GAK: variants seen among roughly 807,000 people sequenced by gnomAD.
GAK encodes cyclin-G-associated kinase.
A neutral mutation model predicts 143.9 loss-of-function variants in GAK; 79 were observed. The ratio of observed to expected loss-of-function variants is 0.55; its 90% CI spans 0.46 to 0.66. GAK has a LOEUF of 0.66. Among genes scored for constraint, GAK ranks in the 30% least tolerant of loss-of-function variants. The pLI is 0.00. For missense variants in GAK, 1,693 were observed against 1,779.7 expected (o/e 0.95, Z 0.88); for synonymous variants, 881 against 765.5 (o/e 1.15, Z -2.49).
At chr4:899,319 G>A (rs1320652632) in intron 5 of GAK, among the ~76,000 whole-genome samples, 1 of 152,188 alleles carries the variant, frequency 6.6e-6, no homozygotes, top group Non-Finnish European at 1.5e-5. Context: ...GGCCAGCACA[G>A]GCATCCCTCT....
rs748170370 is a variant in GAK at position 896,447 on chromosome 4, C to T, written c.741+13G>A. On this transcript the variant is annotated intron_variant, in intron 7 of 27. Coordinates refer to ENST00000314167, the MANE Select transcript of GAK (RefSeq NM_005255.4). The stretch of plus-strand genomic sequence containing the variant: ...GGAGCCAGGCACTGCCACTGAGAGG[C>T]GCCAGACCTCACCCAGATATCCTGC... The T allele has an allele frequency of 2.5e-6, 4 of 1,610,856 alleles. No individual in the cohort carries two copies. Among genetic ancestry groups the T allele is most frequent in the African/African-American group, 1.3e-5 (1 of 74,880 alleles).
intron 15 of GAK, among the ~76,000 whole-genome samples, chr4:880,712 TCC>T (rs1714927544): frequency 6.6e-6 from 1 of 152,076 alleles, no homozygotes; most frequent in Non-Finnish European, 1.5e-5. Flanking sequence ...CACCTGACTC[TCC>T]TTAGATTCTG....
chr4:877,838 T>C (rs1714279149), intron 15 of GAK, 29 bp from the exon 16 acceptor site: 1 of 1,539,226 alleles, frequency 6.5e-7, no homozygotes. Flanking sequence ...CGTCACCACG[T>C]GACGTGCCCT....
intron 24 of GAK, chr4:852,293 C>T: frequency 4.9e-6 from 2 of 408,326 alleles, no homozygotes; most frequent in Non-Finnish European, 8.9e-6. Flanking sequence ...GGGGCAGTGT[C>T]CCCACGTCAC....
chr4:904,110 G>A (rs532159647), intron 5 of GAK, among the ~76,000 whole-genome samples: 27 of 152,302 alleles, frequency 1.8e-4, no homozygotes, highest in African/African-American at 2.9e-4. Flanking sequence ...TGTGAACCGC[G>A]TGTGGAGGGA....
intron 18 of GAK, among the ~76,000 whole-genome samples, chr4:873,812 T>C (rs925550078): frequency 5.9e-5 from 9 of 152,192 alleles, no homozygotes; most frequent in African/African-American, 1.9e-4. Context: ...GTAAGCAGTA[T>C]AGACTTGAGT....
At chr4:860,429 C>T (rs955487338) in intron 23 of GAK, among the ~76,000 whole-genome samples, 5 of 151,758 alleles carry the variant, frequency 3.3e-5, no homozygotes, top group Non-Finnish European at 5.9e-5. Flanking sequence ...TATAAAGAGC[C>T]CTCGTGGATC....
At chr4:888,257 C>T (rs1716925162) in intron 11 of GAK, 1 of 152,412 alleles carries the variant, frequency 6.6e-6, no homozygotes, top group Non-Finnish European at 1.5e-5. Flanking sequence ...CCAGCGTGCT[C>T]CTGGGCGTTC....
intron 1 of GAK, among the ~76,000 whole-genome samples, chr4:929,178 C>T (rs928217108): frequency 2.0e-5 from 3 of 152,180 alleles, no homozygotes; most frequent in African/African-American, 4.8e-5. Context: ...AGGCTGTGCC[C>T]TCCCCATTCC....
chr4:907,193 G>A (rs1007427152), intron 4 of GAK, among the ~76,000 whole-genome samples: 2 of 152,274 alleles, frequency 1.3e-5, no homozygotes, highest in Middle Eastern at 3.4e-3. Context: ...CTCACAGACC[G>A]GACCCACCTG....
chr4:905,234 G>A (rs1391415905), intron 4 of GAK, among the ~76,000 whole-genome samples: 1 of 152,170 alleles, frequency 6.6e-6, no homozygotes, highest in Admixed American at 6.5e-5. Flanking sequence ...ACCGTGGAGT[G>A]TACTTTTGTT....
chr4:912,375 C>G, intron 3 of GAK: 2 of 369,368 alleles, frequency 5.4e-6, no homozygotes, highest in Admixed American at 7.3e-5. Context: ...CCTGTGGGAG[C>G]CAGGCCATCT....
intron 18 of GAK, among the ~76,000 whole-genome samples, chr4:871,278 A>G (rs1712560128): frequency 6.6e-6 from 1 of 152,232 alleles, no homozygotes; most frequent in African/African-American, 2.4e-5. Context: ...ACAACATCCC[A>G]CAGCTGGAGA....
At chr4:887,885 TCA>T (rs1716833980) in intron 11 of GAK, 1 of 150,920 alleles carries the variant, frequency 6.6e-6, no homozygotes, top group Admixed American at 6.6e-5. Context: ...ATGCACATAC[TCA>T]CACCAGCATT....
At chr4:865,368 G>C in intron 22 of GAK, 124 bp from the exon 23 acceptor site, 7 of 1,238,712 alleles carry the variant, frequency 5.7e-6, no homozygotes, top group Non-Finnish European at 8.0e-6. Context: ...CTGAGCTGAG[G>C]CTGGGCTGAC....
At chr4:859,314 G>A (rs772651201) in intron 24 of GAK, 31 of 1,345,630 alleles carry the variant, frequency 2.3e-5, no homozygotes, top group South Asian at 1.0e-4. Context: ...CAGAGACCCC[G>A]CCTCCCCGAT....
intron 18 of GAK, among the ~76,000 whole-genome samples, chr4:874,168 C>T (rs1300412589): frequency 2.6e-5 from 4 of 151,740 alleles, no homozygotes; most frequent in African/African-American, 7.3e-5. Flanking sequence ...TACATGCACA[C>T]GTGTGTTGGT....
chr4:870,937 C>T, intron 18 of GAK, 33 bp from the exon 19 acceptor site: 1 of 1,567,502 alleles, frequency 6.4e-7, no homozygotes, highest in Non-Finnish European at 8.7e-7. Flanking sequence ...CTTAGGAAGG[C>T]CACCCAAGTA....
intron 6 of GAK, among the ~76,000 whole-genome samples, chr4:897,025 C>A (rs1464099028): frequency 6.6e-6 from 1 of 152,240 alleles, no homozygotes; most frequent in Admixed American, 6.5e-5. Context: ...GAGAGCCTCA[C>A]AAACACACGG....
Sources: allele counts gnomAD v4.1 joint callset (sites outside exome capture counted in the v4.1 genomes callset), GRCh38; gene constraint gnomAD v4.1.1; transcripts MANE v1.5; gene names NCBI Gene and HGNC (gene_info 2026-07-23, HGNC 2026-07-21).